The following CSGALNACT1 variants were observed in gnomAD, a reference collection of about 807,000 sequenced individuals.
The protein encoded by CSGALNACT1 is beta4GalNAcT-1.
Under a neutral mutation model 51.0 loss-of-function variants are expected in CSGALNACT1, and 52 were observed. That is an observed-to-expected ratio of 1.02 (90% confidence interval 0.82 to 1.29). The LOEUF (loss-of-function observed/expected upper bound fraction) is 1.29, where lower values mean the gene tolerates loss of function less well. Ranked by LOEUF, CSGALNACT1 falls within the 50% of genes most tolerant of loss-of-function variation. The pLI, the probability that CSGALNACT1 is intolerant of heterozygous loss-of-function variation, is 0.00. For synonymous variants in CSGALNACT1, 341 were observed against 254.4 expected (o/e 1.34, Z -3.24); for missense variants, 935 against 679.2 (o/e 1.38, Z -4.19).
intron 1 of CSGALNACT1, among the ~76,000 whole-genome samples, chr8:19,617,666 T>C (rs2053221558): frequency 6.6e-6 from 1 of 152,166 alleles, no homozygotes; most frequent in Non-Finnish European, 1.5e-5. Context: ...GTTCCAAAAA[T>C]ATTTTAAGCG....
chr8:19,473,446 G>C (rs2068676270), intron 4 of CSGALNACT1, among the ~76,000 whole-genome samples: 1 of 152,002 alleles, frequency 6.6e-6, no homozygotes, highest in South Asian at 2.1e-4. Context: ...ATTATCACAG[G>C]GTCCTTCCCA....
intron 1 of CSGALNACT1, among the ~76,000 whole-genome samples, chr8:19,665,085 C>T (rs1311746875): frequency 6.6e-6 from 1 of 152,194 alleles, no homozygotes; most frequent in African/African-American, 2.4e-5. Context: ...ATGACCTTGG[C>T]TCACTGCAAC....
intron 1 of CSGALNACT1, among the ~76,000 whole-genome samples, chr8:19,654,887 C>T (rs4559253): frequency 0.25 from 38,486 of 151,614 alleles, 5,334 homozygotes; most frequent in East Asian, 0.55. Flanking sequence ...TCATAAGTAT[C>T]GAATAAAGCA....
chr8:19,721,180 G>C (rs913578514), intron 1 of CSGALNACT1, among the ~76,000 whole-genome samples: 4 of 152,134 alleles, frequency 2.6e-5, no homozygotes, highest in African/African-American at 9.7e-5. Context: ...ATATCTGCCA[G>C]ATTTTTCTCT....
At chr8:19,433,767 C>G (rs1346304670) in intron 6 of CSGALNACT1, among the ~76,000 whole-genome samples, 1 of 152,196 alleles carries the variant, frequency 6.6e-6, no homozygotes, top group Non-Finnish European at 1.5e-5. Flanking sequence ...CATAAACTTT[C>G]TTTAAACATT....
Position 19,489,964 on chromosome 8 carries a change from A to G in CSGALNACT1, c.634+15237T>C, listed in dbSNP as rs117006904. ...CTTGAATGGTACCAAGAAAAGCAAA[A>G]TTCTGCTCCAAGCTCAGAAAATGAC... On this transcript the variant is annotated intron_variant, in intron 4 of 9. Coordinates refer to ENST00000454498, the Ensembl canonical transcript of CSGALNACT1. 5.5e-4 allele frequency among the ~76,000 whole-genome samples: 84 copies of G among 152,260 alleles called. No individual in the cohort carries two copies. The East Asian group carries it at 6.6e-3, about 12-fold the overall frequency.
chr8:19,506,916 C>A (rs2077443978), intron 3 of CSGALNACT1, among the ~76,000 whole-genome samples: 2 of 152,180 alleles, frequency 1.3e-5, no homozygotes, highest in Admixed American at 1.3e-4. Context: ...TCAGGTATTC[C>A]TTTAGAGCAG....
intron 1 of CSGALNACT1, among the ~76,000 whole-genome samples, chr8:19,720,275 T>A (rs1564468764): frequency 6.6e-6 from 1 of 152,058 alleles, no homozygotes; most frequent in South Asian, 2.1e-4. Flanking sequence ...GCAGCGTGCT[T>A]AATAATAAGA....
At chr8:19,623,325 C>A (rs73214649) in intron 1 of CSGALNACT1, among the ~76,000 whole-genome samples, 24,838 of 152,110 alleles carry the variant, frequency 0.16, 2,143 homozygotes, top group Non-Finnish European at 0.21. Flanking sequence ...TTTTAATATA[C>A]CTTTCTCTGG....
chr8:19,559,277 T>C (rs1438369766), intron 3 of CSGALNACT1, among the ~76,000 whole-genome samples: 2 of 152,142 alleles, frequency 1.3e-5, no homozygotes, highest in African/African-American at 4.8e-5. Context: ...GCTGATAAAA[T>C]TGAACATCCA....
intron 1 of CSGALNACT1, among the ~76,000 whole-genome samples, chr8:19,613,930 A>C (rs1175544030): frequency 1.3e-5 from 2 of 152,242 alleles, no homozygotes; most frequent in Non-Finnish European, 2.9e-5. Flanking sequence ...GGGAAGTCCC[A>C]GATGTCAACT....
intron 4 of CSGALNACT1, among the ~76,000 whole-genome samples, chr8:19,493,615 T>C (rs908293730): frequency 1.7e-4 from 26 of 152,302 alleles, no homozygotes; most frequent in Non-Finnish European, 3.1e-4. Flanking sequence ...GACATCTGGT[T>C]TTTAACTTGA....
chr8:19,611,459 G>T (rs986331350), intron 1 of CSGALNACT1, among the ~76,000 whole-genome samples: 5 of 152,108 alleles, frequency 3.3e-5, no homozygotes, highest in Admixed American at 1.3e-4. Context: ...CAATCTAATG[G>T]ATTATCCTAT....
intron 1 of CSGALNACT1, among the ~76,000 whole-genome samples, chr8:19,663,007 C>T (rs1287068792): frequency 6.6e-6 from 1 of 152,192 alleles, no homozygotes; most frequent in African/African-American, 2.4e-5. Flanking sequence ...GAAAAAAGTG[C>T]TAGTGCTACA....
intron 5 of CSGALNACT1, among the ~76,000 whole-genome samples, chr8:19,449,591 G>A (rs1468606276): frequency 6.6e-6 from 1 of 151,968 alleles, no homozygotes; most frequent in African/African-American, 2.4e-5. Context: ...CACCTTAATG[G>A]TTCTAGGCCA....
At chr8:19,644,182 C>T (rs890150483) in intron 1 of CSGALNACT1, among the ~76,000 whole-genome samples, 9 of 152,022 alleles carry the variant, frequency 5.9e-5, no homozygotes, top group Non-Finnish European at 1.2e-4. Flanking sequence ...TATGTGTGCA[C>T]ACAGTGCACA....
chr8:19,712,959 T>C (rs2062597878), intron 1 of CSGALNACT1, among the ~76,000 whole-genome samples: 1 of 152,188 alleles, frequency 6.6e-6, no homozygotes, highest in Non-Finnish European at 1.5e-5. Context: ...TAAGGAAGCA[T>C]GGTTACAATC....
At chr8:19,476,375 G>A (rs542570011) in intron 4 of CSGALNACT1, among the ~76,000 whole-genome samples, 32 of 152,120 alleles carry the variant, frequency 2.1e-4, no homozygotes, top group Admixed American at 2.0e-3. Context: ...CAAGTAGCTG[G>A]GATTACAGGT....
chr8:19,466,285 T>G (rs2066650967), intron 4 of CSGALNACT1, among the ~76,000 whole-genome samples: 1 of 152,182 alleles, frequency 6.6e-6, no homozygotes, highest in African/African-American at 2.4e-5. Flanking sequence ...TTCTTTTAAT[T>G]ATCAGTGTCT....
Sources: gnomAD v4.1 joint callset for allele counts (sites outside exome capture counted in the v4.1 genomes callset) on GRCh38, gnomAD v4.1.1 for gene constraint, MANE v1.5 for transcripts, NCBI Gene and HGNC (gene_info 2026-07-23, HGNC 2026-07-21) for gene names.